The following ZNF728 variants were observed in gnomAD, a reference collection of about 807,000 sequenced individuals.
ZNF728 encodes the protein zinc finger protein 728.
ZNF728 carries 12 observed loss-of-function variants against 12.5 expected under a neutral mutation model. The observed-to-expected ratio is 0.96, with a 90% CI of 0.61 to 1.55. The LOEUF (loss-of-function observed/expected upper bound fraction) is 1.55. Ranked by LOEUF, ZNF728 falls within the 40% of genes most tolerant of loss-of-function variation. The pLI is 0.00. For synonymous variants in ZNF728, 205 were observed against 240.7 expected (o/e 0.85, Z 1.37); for missense variants, 692 against 719.2 (o/e 0.96, Z 0.43).
chr19:22,992,070 C>G (rs1341281558), intron 1 of ZNF728, among the ~76,000 whole-genome samples: 1 of 152,100 alleles, frequency 6.6e-6, no homozygotes, highest in Non-Finnish European at 1.5e-5. Flanking sequence ...CTAAGTTCAG[C>G]TGTAGACATC....
At chr19:22,990,586 G>A (rs1399034206) in intron 1 of ZNF728, among the ~76,000 whole-genome samples, 9 of 152,198 alleles carry the variant, frequency 5.9e-5, no homozygotes, top group East Asian at 1.9e-4. Context: ...TATGGGCCAC[G>A]CTGTCCTGCC....
intron 3 of ZNF728, among the ~76,000 whole-genome samples, chr19:22,980,648 A>T (rs1253380227): frequency 6.6e-6 from 1 of 152,206 alleles, no homozygotes; most frequent in Non-Finnish European, 1.5e-5. Context: ...ACTCCTCAGC[A>T]AATGTAAAAG....
At chr19:22,996,168 A>G (rs910884722) in intron 1 of ZNF728, among the ~76,000 whole-genome samples, 3 of 152,236 alleles carry the variant, frequency 2.0e-5, no homozygotes, top group African/African-American at 7.2e-5. Context: ...ATTTTAAAAA[A>G]TTATCTGAAC....
intron 3 of ZNF728, among the ~76,000 whole-genome samples, chr19:22,983,285 T>C (rs1469746263): frequency 6.6e-6 from 1 of 152,124 alleles, no homozygotes; most frequent in African/African-American, 2.4e-5. Context: ...ATTAGAGAAA[T>C]GCAAATGAAA....
Position 22,988,335 on chromosome 19 carries a change from C to T in ZNF728, c.120G>A (p.Leu40=). 2 of 1,614,046 alleles carry T rather than the reference C, an allele frequency of 1.2e-6. No individual in the cohort carries two copies. The highest frequency in any genetic ancestry group is 2.2e-5 in the South Asian group (2 of 91,078). ...TAAAGTTATTCTCACCCAGGAAGACCAGGTTTCTGTAGTTCTCTAACATCA... is the reference window on the plus strand; with the variant it reads ...TAAAGTTATTCTCACCCAGGAAGACTAGGTTTCTGTAGTTCTCTAACATCA... ...RNVMLENYRN[L]VFLGIAAPKP... The change falls in exon 2 of 4, where the codon CTG becomes CTA. Residue 40 remains leucine (L), a synonymous_variant. Coordinates refer to ENST00000594710, the MANE Select transcript of ZNF728 (RefSeq NM_001267716.2).
intron 1 of ZNF728, chr19:22,995,002 G>C (rs1599533101): frequency 6.5e-6 from 1 of 153,604 alleles, no homozygotes; most frequent in African/African-American, 2.4e-5. Flanking sequence ...CAGGAGGAGA[G>C]CTTGCAGGCC....
In ZNF728 at chr19:22,975,969, T is replaced by C; in HGVS notation, c.1368A>G (p.Glu456=). ...AGGACCAGCTGAAGACTTTGCCACA[T>C]TCTTCACATTTGTAGTGTTTCTCTC... ...HTGEKHYKCE[E]CGKVFSWSSS... is the part of the protein sequence containing the mutation. The change falls in exon 4 of 4, where the codon GAA becomes GAG. Residue 456 remains glutamate (E), a synonymous_variant. Transcript: ENST00000594710. 1 of 1,613,082 alleles carries C rather than the reference T, an allele frequency of 6.2e-7. No homozygotes were observed. Among genetic ancestry groups the C allele is most frequent in the Non-Finnish European group, 8.5e-7 (1 of 1,179,924 alleles).
chr19:22,990,846 C>A (rs1262306206), intron 1 of ZNF728, among the ~76,000 whole-genome samples: 1 of 152,094 alleles, frequency 6.6e-6, no homozygotes, highest in Non-Finnish European at 1.5e-5. Context: ...GGCTGATAAC[C>A]CCTTAACTAA....
chr19:22,983,312 T>C (rs1300765484), intron 3 of ZNF728, among the ~76,000 whole-genome samples: 1 of 152,132 alleles, frequency 6.6e-6, no homozygotes, highest in Non-Finnish European at 1.5e-5. Context: ...ATGAGTACCA[T>C]TTCATGCCAG....
rs1379262704 is a variant in ZNF728 at position 22,975,372 on chromosome 19, T to G, written c.*96A>C. 9.5e-6 allele frequency: 11 copies of G among 1,159,340 alleles called. No individual in the cohort carries two copies. Among genetic ancestry groups the G allele is most frequent in the African/African-American group, 1.6e-5 (1 of 64,478 alleles). The allele number at this position is 1,159,340 out of a possible 1,614,324, so 71.8% of individuals were successfully genotyped here. On this transcript the variant is annotated 3_prime_UTR_variant, in exon 4 of 4. Coordinates refer to ENST00000594710, the MANE Select transcript of ZNF728 (RefSeq NM_001267716.2). Reference sequence around the variant, plus strand: ...AAGGATTGAGGAACAGTTAAAAAATTTGCCACATTCTTCACATTTGTAGGG... The same window carrying G: ...AAGGATTGAGGAACAGTTAAAAAATGTGCCACATTCTTCACATTTGTAGGG...
At chr19:22,992,871 A>G (rs1355783846) in intron 1 of ZNF728, among the ~76,000 whole-genome samples, 4 of 152,190 alleles carry the variant, frequency 2.6e-5, no homozygotes, top group Non-Finnish European at 5.9e-5. Flanking sequence ...CCCTGGGCTG[A>G]TGGTCCACTG....
intron 1 of ZNF728, among the ~76,000 whole-genome samples, chr19:22,990,111 C>T (rs945682838): frequency 7.9e-5 from 12 of 152,078 alleles, no homozygotes; most frequent in Admixed American, 7.9e-4. Context: ...GAGACTTTGA[C>T]TATTGTAAGA....
intron 1 of ZNF728, 110 bp downstream of exon 1, chr19:23,002,918 A>G: frequency 1.4e-6 from 2 of 1,427,922 alleles, no homozygotes; most frequent in Non-Finnish European, 1.9e-6. Flanking sequence ...AACACGGGGC[A>G]CAGATTGTGG....
At chr19:22,996,442 A>G (rs868227403) in intron 1 of ZNF728, among the ~76,000 whole-genome samples, 1 of 152,202 alleles carries the variant, frequency 6.6e-6, no homozygotes, top group Non-Finnish European at 1.5e-5. Context: ...TCAGCCTGCA[A>G]ATAATCACCT....
intron 1 of ZNF728, among the ~76,000 whole-genome samples, chr19:22,989,794 AT>A (rs1412556334): frequency 6.6e-6 from 1 of 151,960 alleles, no homozygotes; most frequent in Non-Finnish European, 1.5e-5. Flanking sequence ...TCTCCTATAA[AT>A]TTTTTTAGAA....
At chr19:23,002,921 G>T in intron 1 of ZNF728, 107 bp downstream of exon 1, 1 of 1,448,746 alleles carries the variant, frequency 6.9e-7, no homozygotes. Context: ...ACGGGGCACA[G>T]ATTGTGGAGC....
intron 3 of ZNF728, among the ~76,000 whole-genome samples, chr19:22,986,364 TA>T (rs977795048): frequency 2.0e-5 from 3 of 151,796 alleles, no homozygotes; most frequent in Admixed American, 6.6e-5. Context: ...GTGTTCTCTA[TA>T]AAAAAAACCA....
intron 3 of ZNF728, 30 bp downstream of exon 3, chr19:22,987,278 T>C: frequency 1.3e-6 from 2 of 1,593,480 alleles, no homozygotes; most frequent in Non-Finnish European, 1.7e-6. Flanking sequence ...GGACCTCTCA[T>C]CCATGTTGTC....
In ZNF728 at chr19:23,002,939, G is replaced by C. The variant is rs556863471; in HGVS notation, c.3+89C>G. On this transcript the variant is annotated intron_variant, in intron 1 of 3. Coordinates refer to ENST00000594710, the MANE Select transcript of ZNF728 (RefSeq NM_001267716.2). ...GGGCACAGATTGTGGAGCTGACTGA[G>C]AGGAGGCCTGAGTCCCGCCACAGCC... is the stretch of plus-strand genomic sequence containing the variant. 9 of 1,525,418 alleles carry C rather than the reference G, an allele frequency of 5.9e-6. No homozygotes were observed. The African/African-American group carries it at 6.9e-5, about 12-fold the overall frequency. 94.5% of individuals were successfully genotyped at this position (1,525,418 alleles called of 1,614,324 possible). A position where few individuals can be genotyped will look rare whatever the true frequency, so the allele number is the denominator to read the frequency against.
Sources: gnomAD v4.1 joint callset for allele counts (sites outside exome capture counted in the v4.1 genomes callset) on GRCh38, gnomAD v4.1.1 for gene constraint, MANE v1.5 for transcripts, NCBI Gene and HGNC (gene_info 2026-07-23, HGNC 2026-07-21) for gene names.